Variants in LRRN3 observed in about 807,000 individuals in gnomAD.
The protein encoded by LRRN3 is leucine-rich repeat neuronal protein 3.
In LRRN3, 15 loss-of-function variants were observed where a neutral mutation model predicts 40.1. The ratio of observed to expected loss-of-function variants is 0.37; its 90% CI spans 0.25 to 0.58. LRRN3 has a LOEUF of 0.58. Ranked by LOEUF, LRRN3 falls within the 20% of genes least tolerant of loss-of-function variation. The pLI is 0.72. For missense variants in LRRN3, 746 were observed against 837.7 expected (o/e 0.89, Z 1.35); for synonymous variants, 308 against 297.2 (o/e 1.04, Z -0.37).
rs755715864 is a variant in LRRN3 at position 111,124,937 on chromosome 7, A to T, written c.*38A>T. 1 of 1,425,384 alleles carries T rather than the reference A, an allele frequency of 7.0e-7. No homozygotes were observed. The highest frequency in any genetic ancestry group is 9.4e-7 in the Non-Finnish European group (1 of 1,058,284). The allele number at this position is 1,425,384 out of a possible 1,614,324, so 88.3% of individuals were successfully genotyped here. On this transcript the variant is annotated 3_prime_UTR_variant, in exon 3 of 3. Transcript: ENST00000308478. ...AAACCTACTCCAAAAATGAACAAAA[A>T]AAAAAAAAGCGAAAGACTGCAGTTG...
At position 111,124,846 on chromosome 7, in the gene LRRN3, A is replaced by G; in HGVS notation, c.2074A>G (p.Thr692Ala). Residue 692 changes from threonine (T) to alanine (A), a missense_variant, in exon 3 of 3, where the codon ACA becomes GCA. Transcript: ENST00000308478. ...NLWEAGKEKS[T>A]SLKVKATVIG... is the part of the protein sequence containing the mutation. ...CTGGGAAGCAGGAAAAGAAAAAAGT[A>G]CATCACTGAAAGTAAAAGCAACTGT... The G allele has an allele frequency of 6.2e-7, 1 of 1,612,126 alleles. No individual in the cohort carries two copies.
In LRRN3 at chr7:111,111,282, T is replaced by C. The variant is rs548623293; in HGVS notation, c.-358-11133T>C. 1.5e-4 allele frequency among the ~76,000 whole-genome samples: 22 copies of C among 149,072 alleles called. 1 individual carries two copies. The East Asian group carries it at 3.5e-3, about 24-fold the overall frequency. Reference sequence around the variant, plus strand: ...TTATGTGGGCATATCGCCCATGCTCTTCATGGGTAGCAGTTGTAAAAAAAA... The same window carrying C: ...TTATGTGGGCATATCGCCCATGCTCCTCATGGGTAGCAGTTGTAAAAAAAA... On this transcript the variant is annotated intron_variant, in intron 2 of 2. Transcript: ENST00000308478.
At chr7:111,094,463 T>C (rs1407817954) in intron 1 of LRRN3, among the ~76,000 whole-genome samples, 2 of 152,140 alleles carry the variant, frequency 1.3e-5, no homozygotes, top group Admixed American at 6.6e-5. Context: ...ACTAGACATG[T>C]GTACAGCACA....
At chr7:111,117,994 G>T (rs1239121291) in intron 2 of LRRN3, among the ~76,000 whole-genome samples, 1 of 152,026 alleles carries the variant, frequency 6.6e-6, no homozygotes, top group Non-Finnish European at 1.5e-5. Flanking sequence ...TTACTCACAT[G>T]TCCTCACTAT....
intron 2 of LRRN3, among the ~76,000 whole-genome samples, chr7:111,107,795 A>C (rs1798715308): frequency 6.6e-6 from 1 of 152,136 alleles, no homozygotes; most frequent in Non-Finnish European, 1.5e-5. Context: ...TGGCTGTTGC[A>C]ACATTTCAAA....
intron 1 of LRRN3, among the ~76,000 whole-genome samples, chr7:111,093,539 C>G (rs1034590465): frequency 3.3e-5 from 5 of 152,168 alleles, no homozygotes; most frequent in Non-Finnish European, 4.4e-5. Flanking sequence ...GCCAGACACA[C>G]ATTCTTAAAT....
At chr7:111,097,308 C>A (rs988412060) in intron 1 of LRRN3, 2 of 151,822 alleles carry the variant, frequency 1.3e-5, no homozygotes, top group African/African-American at 4.8e-5. Flanking sequence ...TTGGGACTCA[C>A]AACACTTACA....
At position 111,123,618 on chromosome 7, in the gene LRRN3, T is replaced by C. The variant is rs34155376; in HGVS notation, c.846T>C (p.Asn282=). The C allele has an allele frequency of 6.7e-4, 1,083 of 1,613,552 alleles. 5 individuals are homozygous for C. In the African/African-American group the frequency reaches 0.013, roughly 19 times the overall value. The change falls in exon 3 of 3, where the codon AAT becomes AAC. Residue 282 remains asparagine, a synonymous_variant. Coordinates refer to ENST00000308478, the MANE Select transcript of LRRN3 (RefSeq NM_001099658.2). This position sits in a 1 kb window ranked among gnomAD's most constrained non-coding sequence, Gnocchi z 6.4. ...GAATACGAAGGGGTGATTTTAGCAA[T>C]ATGCTACACTTAAAAGAGTTGGGGA... The part of the protein sequence containing the change: ...INRIRRGDFS[N]MLHLKELGIN...
intron 1 of LRRN3, among the ~76,000 whole-genome samples, chr7:111,094,829 C>G (rs567723481): frequency 6.6e-6 from 1 of 152,118 alleles, no homozygotes; most frequent in Non-Finnish European, 1.5e-5. Flanking sequence ...AAGACAGTAG[C>G]TGGTGCCAGA....
chr7:111,108,903 GAAC>G (rs1364767155), intron 2 of LRRN3, among the ~76,000 whole-genome samples: 1 of 152,068 alleles, frequency 6.6e-6, no homozygotes, highest in Non-Finnish European at 1.5e-5. Flanking sequence ...GATATTTATT[GAAC>G]AACAATAGCA....
chr7:111,099,727 A>T (rs1423137777), intron 1 of LRRN3, among the ~76,000 whole-genome samples, 154 bp from the exon 2 acceptor site: 11 of 151,730 alleles, frequency 7.2e-5, no homozygotes, highest in Non-Finnish European at 1.6e-4. Flanking sequence ...AAGCAATTAG[A>T]CAACTAAAAA....
At chr7:111,102,781 C>G (rs1798115868) in intron 2 of LRRN3, among the ~76,000 whole-genome samples, 1 of 151,486 alleles carries the variant, frequency 6.6e-6, no homozygotes, top group Admixed American at 6.6e-5. Flanking sequence ...ATTTAAAAAG[C>G]TCCGAAACCA....
rs1382108876 is a variant in LRRN3 at position 111,125,441 on chromosome 7, T to A, written c.*542T>A. 6.0e-6 allele frequency: 1 copy of A among 167,118 alleles called. No individual in the cohort carries two copies. The allele number at this position is 167,118 out of a possible 1,614,324, so 10.4% of individuals were successfully genotyped here. A position where few individuals can be genotyped will look rare whatever the true frequency, so the allele number is the denominator to read the frequency against. ...TCTTGTTTTGTTTCTAAATAAAGAA[T>A]AATTTCTGGGAAATATCATCTGATC... On this transcript the variant is annotated 3_prime_UTR_variant, in exon 3 of 3. Coordinates refer to ENST00000308478, the MANE Select transcript of LRRN3 (RefSeq NM_001099658.2).
chr7:111,094,134 T>TC (rs902328819), intron 1 of LRRN3, among the ~76,000 whole-genome samples: 2 of 152,114 alleles, frequency 1.3e-5, no homozygotes, highest in East Asian at 3.9e-4. Context: ...GTTTCACTCC[T>TC]CCCCCCGAAT....
At chr7:111,118,390 G>C (rs1299676906) in intron 2 of LRRN3, among the ~76,000 whole-genome samples, 3 of 152,056 alleles carry the variant, frequency 2.0e-5, no homozygotes, top group South Asian at 2.1e-4. Flanking sequence ...GAAACAATCT[G>C]TATTTTCACA....
chr7:111,102,673 T>A (rs1257246074), intron 2 of LRRN3, among the ~76,000 whole-genome samples: 1 of 151,566 alleles, frequency 6.6e-6, no homozygotes, highest in Non-Finnish European at 1.5e-5. Flanking sequence ...AATAGCAAGT[T>A]TGAAGTTTCA....
intron 2 of LRRN3, among the ~76,000 whole-genome samples, chr7:111,115,588 C>T (rs1013135625): frequency 1.3e-5 from 2 of 151,988 alleles, no homozygotes; most frequent in Non-Finnish European, 2.9e-5. Context: ...TATAGCTGTA[C>T]TATAACTAGA....
At chr7:111,108,955 G>A (rs1401092974) in intron 2 of LRRN3, among the ~76,000 whole-genome samples, 3 of 152,114 alleles carry the variant, frequency 2.0e-5, no homozygotes, top group Non-Finnish European at 4.4e-5. Flanking sequence ...CCATAGCTCT[G>A]AATAAAACGG....
At chr7:111,100,010 G>A (rs1260083740) in intron 2 of LRRN3, 48 bp downstream of exon 2, 1 of 151,634 alleles carries the variant, frequency 6.6e-6, no homozygotes, top group East Asian at 1.9e-4. Flanking sequence ...TTCCATGAGG[G>A]AACTGAGGCT....
Sources: gnomAD v4.1 joint callset for allele counts (sites outside exome capture counted in the v4.1 genomes callset) on GRCh38, gnomAD v4.1.1 for gene constraint, Gnocchi (gnomAD v3.1) non-coding constraint, MANE v1.5 for transcripts, NCBI Gene and HGNC (gene_info 2026-07-23, HGNC 2026-07-21) for gene names.